Variants in FHL5 observed in about 807,000 individuals in gnomAD.
The protein encoded by FHL5 is four and a half LIM domains protein 5.
FHL5 carries 33 observed loss-of-function variants against 32.0 expected under a neutral mutation model. The observed-to-expected ratio is 1.03, with a 90% CI of 0.78 to 1.38. FHL5 has a LOEUF of 1.38. FHL5 is among the 40% of genes most tolerant of loss of function. The probability of loss-of-function intolerance (pLI) is 0.00; values close to 1 mark genes in which losing one functional copy is unlikely to be tolerated. For synonymous variants in FHL5, 114 were observed against 113.6 expected (o/e 1.00, Z -0.02); for missense variants, 336 against 343.9 (o/e 0.98, Z 0.18).
chr6:96,580,378 A>T (rs1039488127), intron 1 of FHL5, among the ~76,000 whole-genome samples: 1 of 152,202 alleles, frequency 6.6e-6, no homozygotes, highest in African/African-American at 2.4e-5. Flanking sequence ...TTTACAATTC[A>T]GTTAGAAGGG....
At chr6:96,610,071 G>GA (rs1241605921) in intron 4 of FHL5, among the ~76,000 whole-genome samples, 1 of 152,122 alleles carries the variant, frequency 6.6e-6, no homozygotes, top group African/African-American at 2.4e-5. Flanking sequence ...AAGCATTCAG[G>GA]AAAAAGAAGA....
intron 1 of FHL5, among the ~76,000 whole-genome samples, chr6:96,573,680 C>T (rs1168792761): frequency 6.6e-6 from 1 of 151,594 alleles, no homozygotes; most frequent in Non-Finnish European, 1.5e-5. Flanking sequence ...CGCCAACACG[C>T]CCAGCTAACT....
chr6:96,572,874 A>C (rs1163501862), intron 1 of FHL5, among the ~76,000 whole-genome samples: 38 of 152,184 alleles, frequency 2.5e-4, no homozygotes, highest in Non-Finnish European at 2.9e-5. Flanking sequence ...TTCTCTATGT[A>C]GCCATCCTGA....
Position 96,618,020 on chromosome 6 carries a change from T to C in FHL5, c.*2248T>C, listed in dbSNP as rs1771557024. Among the ~76,000 whole-genome samples the C allele has an allele frequency of 6.6e-6, 1 of 152,158 alleles. No homozygotes were observed. Among genetic ancestry groups the C allele is most frequent in the South Asian group, 2.1e-4 (1 of 4,824 alleles). ...AGTTGTAGGAGGATGGATCATGGTA[T>C]GGAAATGCAGAAGTGCCTGATGCAA... On this transcript the variant is annotated 3_prime_UTR_variant, in exon 6 of 6. Transcript: ENST00000450218.
At chr6:96,602,079 T>G (rs1369697131) in intron 1 of FHL5, among the ~76,000 whole-genome samples, 2 of 152,210 alleles carry the variant, frequency 1.3e-5, no homozygotes, top group Admixed American at 6.5e-5. Flanking sequence ...AAAACTGCTA[T>G]GTACAGAATT....
At chr6:96,582,922 C>G (rs765750001) in intron 1 of FHL5, among the ~76,000 whole-genome samples, 4 of 152,108 alleles carry the variant, frequency 2.6e-5, no homozygotes, top group African/African-American at 4.8e-5. Flanking sequence ...GCCAAGTACA[C>G]CTACAACTGA....
intron 1 of FHL5, among the ~76,000 whole-genome samples, chr6:96,577,380 A>C (rs1770605395): frequency 6.6e-6 from 1 of 151,952 alleles, no homozygotes. Flanking sequence ...CCCCCAACAC[A>C]CATACACACA....
At chr6:96,603,420 T>C (rs1043717011) in intron 1 of FHL5, among the ~76,000 whole-genome samples, 182 bp from the exon 2 acceptor site, 1 of 152,148 alleles carries the variant, frequency 6.6e-6, no homozygotes, top group Non-Finnish European at 1.5e-5. Context: ...GGGAGAGTAA[T>C]CTTTCCTAAA....
chr6:96,599,191 C>CTTTTT (rs67400814), intron 1 of FHL5, among the ~76,000 whole-genome samples: 7 of 111,538 alleles, frequency 6.3e-5, no homozygotes, highest in Non-Finnish European at 1.1e-4. Context: ...GAACTTACAT[C>CTTTTT]TTTTTTTTTT....
intron 1 of FHL5, among the ~76,000 whole-genome samples, chr6:96,598,776 G>A (rs1010092): frequency 0.14 from 21,939 of 152,076 alleles, 1,583 homozygotes; most frequent in East Asian, 0.26. Context: ...TTTATGAAAT[G>A]TCCTTACTCT....
At chr6:96,591,749 T>C (rs1347939522) in intron 1 of FHL5, among the ~76,000 whole-genome samples, 3 of 152,104 alleles carry the variant, frequency 2.0e-5, no homozygotes, top group African/African-American at 7.2e-5. Context: ...ACCCCCGATA[T>C]TTCATGTAGG....
At chr6:96,614,919 A>G (rs1417590340) in intron 5 of FHL5, among the ~76,000 whole-genome samples, 1 of 152,208 alleles carries the variant, frequency 6.6e-6, no homozygotes, top group East Asian at 1.9e-4. Flanking sequence ...CAATCACGTG[A>G]TAACGTGGCT....
At chr6:96,600,612 T>A (rs73492766) in intron 1 of FHL5, among the ~76,000 whole-genome samples, 1 of 152,216 alleles carries the variant, frequency 6.6e-6, no homozygotes, top group African/African-American at 2.4e-5. Context: ...GAATTCTATA[T>A]GGTTCTAATA....
At chr6:96,572,222 A>G (rs367928503) in intron 1 of FHL5, among the ~76,000 whole-genome samples, 3 of 152,184 alleles carry the variant, frequency 2.0e-5, no homozygotes, top group East Asian at 3.8e-4. Flanking sequence ...GCGGGGCATC[A>G]GTTCAGCTTA....
chr6:96,585,677 G>A (rs993476136), intron 1 of FHL5, among the ~76,000 whole-genome samples: 18 of 152,096 alleles, frequency 1.2e-4, no homozygotes, highest in Non-Finnish European at 2.6e-4. Context: ...AATCAATGCA[G>A]TAACTTATAA....
intron 5 of FHL5, among the ~76,000 whole-genome samples, chr6:96,612,637 A>G (rs1771434921): frequency 1.3e-5 from 2 of 152,170 alleles, no homozygotes; most frequent in Admixed American, 6.5e-5. Context: ...TCAAAAGTAA[A>G]TAATCTGACC....
intron 1 of FHL5, among the ~76,000 whole-genome samples, chr6:96,579,232 A>G (rs528755329): frequency 5.9e-5 from 9 of 152,196 alleles, no homozygotes; most frequent in Non-Finnish European, 8.8e-5. Flanking sequence ...TCTCTTTATC[A>G]TACTGTTTCA....
At chr6:96,577,367 AC>A (rs796265299) in intron 1 of FHL5, among the ~76,000 whole-genome samples, 5 of 150,930 alleles carry the variant, frequency 3.3e-5, no homozygotes, top group East Asian at 3.9e-4. Flanking sequence ...CAACTCAAAC[AC>A]CCCCCCAACA....
chr6:96,578,841 CA>C (rs889145391), intron 1 of FHL5, among the ~76,000 whole-genome samples: 100 of 147,868 alleles, frequency 6.8e-4, no homozygotes, highest in Non-Finnish European at 1.2e-3. Flanking sequence ...GACCCTGTCT[CA>C]AAAAAAAATA....
Sources: allele counts gnomAD v4.1 joint callset (sites outside exome capture counted in the v4.1 genomes callset), GRCh38; gene constraint gnomAD v4.1.1; transcripts MANE v1.5; gene names NCBI Gene and HGNC (gene_info 2026-07-23, HGNC 2026-07-21).